Variants in KIF16B observed in about 807,000 individuals in gnomAD.
KIF16B encodes the protein kinesin-like protein KIF16B.
KIF16B carries 98 observed loss-of-function variants against 156.3 expected under a neutral mutation model. The ratio of observed to expected loss-of-function variants is 0.63; its 90% CI spans 0.53 to 0.74. The LOEUF (loss-of-function observed/expected upper bound fraction) is 0.74, where lower values mean the gene tolerates loss of function less well. Among genes scored for constraint, KIF16B ranks in the 30% least tolerant of loss-of-function variants. KIF16B has a pLI of 0.00. For synonymous variants in KIF16B, 564 were observed against 583.7 expected (o/e 0.97, Z 0.49); for missense variants, 1,421 against 1,606.5 (o/e 0.88, Z 1.97).
At chr20:16,542,515 G>T (rs550549497) in intron 1 of KIF16B, among the ~76,000 whole-genome samples, 3 of 152,212 alleles carry the variant, frequency 2.0e-5, no homozygotes, top group Non-Finnish European at 4.4e-5. Context: ...GGACTAACAG[G>T]CAGAGGCAAA....
intron 1 of KIF16B, among the ~76,000 whole-genome samples, chr20:16,529,907 C>T (rs1466414955): frequency 6.6e-6 from 1 of 152,126 alleles, no homozygotes; most frequent in Non-Finnish European, 1.5e-5. Context: ...GCCAAGATCA[C>T]GCCACTGCAC....
At chr20:16,318,469 G>T (rs2063729176) in intron 24 of KIF16B, among the ~76,000 whole-genome samples, 1 of 152,158 alleles carries the variant, frequency 6.6e-6, no homozygotes, top group South Asian at 2.1e-4. Flanking sequence ...CCAGGATGGG[G>T]CAGGGAATAC....
chr20:16,286,327 A>G (rs756627418), intron 25 of KIF16B, among the ~76,000 whole-genome samples: 11 of 152,260 alleles, frequency 7.2e-5, no homozygotes, highest in Non-Finnish European at 1.0e-4. Context: ...ATATTGCCAA[A>G]TTGTTTTCCG....
chr20:16,362,295 C>T (rs2064566270), intron 22 of KIF16B, among the ~76,000 whole-genome samples: 1 of 151,962 alleles, frequency 6.6e-6, no homozygotes, highest in Non-Finnish European at 1.5e-5. Flanking sequence ...CAAAAGTAAA[C>T]ATACAAACTT....
At chr20:16,442,572 T>C (rs1176768100) in intron 12 of KIF16B, among the ~76,000 whole-genome samples, 7 of 152,212 alleles carry the variant, frequency 4.6e-5, no homozygotes, top group Admixed American at 2.0e-4. Context: ...TCTGGATTCC[T>C]AGCTTTTTTA....
At chr20:16,469,491 A>G (rs2067596491) in intron 12 of KIF16B, among the ~76,000 whole-genome samples, 1 of 151,946 alleles carries the variant, frequency 6.6e-6, no homozygotes, top group African/African-American at 2.4e-5. Flanking sequence ...TAAACACATC[A>G]AGGAAATGTA....
chr20:16,303,973 G>A (rs1407286964), intron 25 of KIF16B, among the ~76,000 whole-genome samples: 1 of 152,154 alleles, frequency 6.6e-6, no homozygotes, highest in East Asian at 1.9e-4. Flanking sequence ...CTGATTTCCA[G>A]CTTAGAGTTT....
At chr20:16,448,744 A>G (rs2067000453) in intron 12 of KIF16B, among the ~76,000 whole-genome samples, 1 of 152,242 alleles carries the variant, frequency 6.6e-6, no homozygotes, top group African/African-American at 2.4e-5. Context: ...CCTAGCAAAA[A>G]GATTTTCGAA....
At position 16,404,875 on chromosome 20, in the gene KIF16B, C is replaced by T; in HGVS notation, c.1722G>A (p.Leu574=). The change falls in exon 17 of 26, where the codon TTG becomes TTA. Residue 574 remains leucine, a synonymous_variant. Transcript: ENST00000354981. ...GGGACTTCGAGAGGTCGGTCATGGA[C>T]AAGCTGAAGGAGGACAGAAGGCCAC... The part of the protein sequence containing the change: ...RKSGLLSSFS[L]SMTDLSKSRE... 6.2e-7 allele frequency: 1 copy of T among 1,613,404 alleles called. No homozygotes were observed. Among genetic ancestry groups the T allele is most frequent in the Non-Finnish European group, 8.5e-7 (1 of 1,179,666 alleles).
intron 1 of KIF16B, among the ~76,000 whole-genome samples, chr20:16,552,805 A>G (rs984348814): frequency 6.6e-6 from 1 of 151,350 alleles, no homozygotes; most frequent in African/African-American, 2.4e-5. Context: ...TTAATTTATT[A>G]TTTTTTTTTA....
intron 3 of KIF16B, among the ~76,000 whole-genome samples, chr20:16,515,920 A>T (rs1388231151): frequency 1.2e-4 from 18 of 152,240 alleles, no homozygotes; most frequent in Admixed American, 7.2e-4. Context: ...ATGAAGTATA[A>T]AAATGTAAAC....
chr20:16,374,389 T>C lies in KIF16B; in HGVS notation c.3218A>G (p.Gln1073Arg). Residue 1073 changes from glutamine (Q) to arginine (R), a missense_variant, in exon 20 of 26, where the codon CAG becomes CGG. Coordinates refer to ENST00000354981, the MANE Select transcript of KIF16B (RefSeq NM_024704.5). Reference sequence around the variant, plus strand: ...GACCTCATAAATCTTCTGTTTCAGCTGCTGGATTTCATATTCTAACCTACA... The same window carrying C: ...GACCTCATAAATCTTCTGTTTCAGCCGCTGGATTTCATATTCTAACCTACA... ...DQERLEYEIQ[Q>R]LKQKIYEVDG... is the part of the protein sequence containing the mutation. The C allele has an allele frequency of 6.3e-7, 1 of 1,587,652 alleles. No homozygotes were observed. Among genetic ancestry groups the C allele is most frequent in the Non-Finnish European group, 8.6e-7 (1 of 1,164,660 alleles).
At chr20:16,340,532 C>G (rs1416454003) in intron 23 of KIF16B, among the ~76,000 whole-genome samples, 1 of 152,144 alleles carries the variant, frequency 6.6e-6, no homozygotes, top group African/African-American at 2.4e-5. Flanking sequence ...GAAAGGGGAG[C>G]CCCCAGATGG....
chr20:16,569,415 GC>G (rs1249189263), intron 1 of KIF16B, among the ~76,000 whole-genome samples: 1 of 152,178 alleles, frequency 6.6e-6, no homozygotes, highest in East Asian at 1.9e-4. Context: ...CTACCATTTT[GC>G]CTACGTAACA....
At chr20:16,319,730 C>T (rs549584126) in intron 24 of KIF16B, among the ~76,000 whole-genome samples, 2 of 152,242 alleles carry the variant, frequency 1.3e-5, no homozygotes, top group African/African-American at 4.8e-5. Flanking sequence ...CGCTTTTGAG[C>T]GTTTTACTTC....
chr20:16,397,116 C>T (rs772866560), intron 17 of KIF16B, among the ~76,000 whole-genome samples: 8 of 152,188 alleles, frequency 5.3e-5, no homozygotes, highest in African/African-American at 1.9e-4. Context: ...AAATTAGCTG[C>T]CTGTTTGCAG....
At chr20:16,531,351 C>T (rs911790217) in intron 1 of KIF16B, among the ~76,000 whole-genome samples, 1 of 152,190 alleles carries the variant, frequency 6.6e-6, no homozygotes, top group Non-Finnish European at 1.5e-5. Flanking sequence ...AAGAAAGTTT[C>T]TCCTTTAGAG....
At chr20:16,466,191 C>G (rs933631672) in intron 12 of KIF16B, among the ~76,000 whole-genome samples, 1 of 152,202 alleles carries the variant, frequency 6.6e-6, no homozygotes, top group African/African-American at 2.4e-5. Flanking sequence ...AAAAAGAGAA[C>G]TGAGATCTGA....
rs1163049767 is a variant in KIF16B, at chr20:16,371,845, CAACAGGGAGCA to C, written c.3351-95_3351-85del. On this transcript the variant is annotated intron_variant, in intron 20 of 25. Coordinates refer to ENST00000354981, the MANE Select transcript of KIF16B (RefSeq NM_024704.5). ...GATCCTCTCTTTACTACGCCCTTCACAACAGGGAGCAATCTCCTTCTAAATACCAAACCTAA... is the reference window on the plus strand; with the variant it reads ...GATCCTCTCTTTACTACGCCCTTCACATCTCCTTCTAAATACCAAACCTAA... 5 of 850,368 alleles carry C rather than the reference CAACAGGGAGCA, an allele frequency of 5.9e-6. No homozygotes were observed. The African/African-American group carries it at 8.4e-5, about 14-fold the overall frequency. The allele number at this position is 850,368 out of a possible 1,614,324, so 52.7% of individuals were successfully genotyped here.
Sources: gnomAD v4.1 joint callset for allele counts (sites outside exome capture counted in the v4.1 genomes callset) on GRCh38, gnomAD v4.1.1 for gene constraint, MANE v1.5 for transcripts, NCBI Gene and HGNC (gene_info 2026-07-23, HGNC 2026-07-21) for gene names.